The following WDR7 variants were observed in gnomAD, a reference collection of about 807,000 sequenced individuals.
WDR7 encodes the protein WD repeat-containing protein 7.
WDR7 carries 46 observed loss-of-function variants against 169.4 expected under a neutral mutation model. That is an observed-to-expected ratio of 0.27 (90% CI 0.21 to 0.35). The LOEUF is 0.35. Ranked by LOEUF, WDR7 falls within the 10% of genes least tolerant of loss-of-function variation. WDR7 has a pLI of 1.00. For missense variants in WDR7, 1,534 were observed against 1,859.3 expected (o/e 0.83, Z 3.22); for synonymous variants, 612 against 666.8 (o/e 0.92, Z 1.27).
At chr18:56,781,925 C>G in intron 19 of WDR7, 1 of 239,408 alleles carries the variant, frequency 4.2e-6, no homozygotes, top group Non-Finnish European at 7.9e-6. Context: ...ACATCCTACT[C>G]TAGTACTAAC....
At chr18:56,878,099 A>G (rs980228892) in intron 20 of WDR7, among the ~76,000 whole-genome samples, 3 of 152,228 alleles carry the variant, frequency 2.0e-5, no homozygotes, top group Admixed American at 1.3e-4. Context: ...GTCTTAAAAG[A>G]ATGTAGCAAG....
chr18:56,669,013 A>G (rs2025078538), intron 1 of WDR7, among the ~76,000 whole-genome samples: 1 of 152,056 alleles, frequency 6.6e-6, no homozygotes, highest in South Asian at 2.1e-4. Context: ...GAGGAGGAGA[A>G]TATTATTATC....
At chr18:56,732,579 A>G (rs2026611252) in intron 14 of WDR7, among the ~76,000 whole-genome samples, 1 of 152,188 alleles carries the variant, frequency 6.6e-6, no homozygotes, top group Non-Finnish European at 1.5e-5. Flanking sequence ...CACATCCTCC[A>G]GTAGTTCGCA....
At chr18:56,653,833 T>C (rs2024709304) in intron 1 of WDR7, among the ~76,000 whole-genome samples, 1 of 152,226 alleles carries the variant, frequency 6.6e-6, no homozygotes, top group Non-Finnish European at 1.5e-5. Flanking sequence ...CAGATAATAC[T>C]ATGATAAGCA....
chr18:57,026,553 G>C (rs1466830965), intron 27 of WDR7, among the ~76,000 whole-genome samples: 4 of 152,196 alleles, frequency 2.6e-5, no homozygotes, highest in Non-Finnish European at 5.9e-5. Context: ...TCTATCTACT[G>C]CTTAACTTTG....
At chr18:56,687,591 C>A (rs2025468580) in intron 7 of WDR7, among the ~76,000 whole-genome samples, 1 of 152,132 alleles carries the variant, frequency 6.6e-6, no homozygotes, top group South Asian at 2.1e-4. Flanking sequence ...TAGTTTAAAA[C>A]AACAAACATG....
Position 56,781,639 on chromosome 18 carries a change from T to C in WDR7, c.3173T>C (p.Ile1058Thr), listed in dbSNP as rs144646392. 16 of 1,607,938 alleles carry C rather than the reference T, an allele frequency of 1.0e-5. No individual in the cohort carries two copies. The Admixed American group carries it at 1.2e-4, about 12-fold the overall frequency. The change falls in exon 19 of 28, where the codon ATA becomes ACA. Residue 1058 changes from isoleucine to threonine, a missense_variant. Ile to Thr is a moderately conservative substitution (Grantham distance 89). Coordinates refer to ENST00000254442, the MANE Select transcript of WDR7 (RefSeq NM_015285.3). The stretch of plus-strand genomic sequence containing the variant: ...TGGGCTCCTTACTTACCTCAGTACA[T>C]AGACCACGTCATATCACGTAAGAGT... ...DAWAPYLPQYIDHVISPGVTS... is the reference protein window; with the variant it reads ...DAWAPYLPQYTDHVISPGVTS...
At chr18:56,945,729 A>G (rs1230559647) in intron 25 of WDR7, among the ~76,000 whole-genome samples, 1 of 152,142 alleles carries the variant, frequency 6.6e-6, no homozygotes, top group Non-Finnish European at 1.5e-5. Flanking sequence ...GACAGCCACT[A>G]CAGCTGACTT....
chr18:57,033,248 G>C (rs898011663), downstream of WDR7: 2 of 152,068 alleles, frequency 1.3e-5, no homozygotes, highest in African/African-American at 4.8e-5. Context: ...GTATTGTTAG[G>C]TTTCCCAGAG....
intron 20 of WDR7, among the ~76,000 whole-genome samples, chr18:56,817,757 T>G (rs562058079): frequency 6.6e-6 from 1 of 152,100 alleles, no homozygotes; most frequent in South Asian, 2.1e-4. Flanking sequence ...GATTTTTTTT[T>G]TTTTTTGAGA....
intron 25 of WDR7, among the ~76,000 whole-genome samples, chr18:56,947,000 G>A (rs559212824): frequency 6.6e-6 from 1 of 151,978 alleles, no homozygotes; most frequent in African/African-American, 2.4e-5. Context: ...TCACTTTCTG[G>A]GATATTAATA....
At chr18:56,935,056 T>C (rs1405780162) in intron 22 of WDR7, among the ~76,000 whole-genome samples, 1 of 152,084 alleles carries the variant, frequency 6.6e-6, no homozygotes, top group Admixed American at 6.6e-5. Context: ...ATAGCATCAC[T>C]CTCCTATCAT....
At chr18:56,838,678 A>G (rs956668615) in intron 20 of WDR7, among the ~76,000 whole-genome samples, 1 of 152,178 alleles carries the variant, frequency 6.6e-6, no homozygotes, top group Non-Finnish European at 1.5e-5. Flanking sequence ...TTTTAAGGTC[A>G]GTCATATAGA....
intron 1 of WDR7, among the ~76,000 whole-genome samples, chr18:56,658,578 A>G (rs2024830012): frequency 6.6e-6 from 1 of 152,206 alleles, no homozygotes; most frequent in South Asian, 2.1e-4. Context: ...TTCTGTTTTC[A>G]CATTCAAGTT....
At chr18:56,740,955 A>G (rs2043612369) in intron 14 of WDR7, among the ~76,000 whole-genome samples, 1 of 151,994 alleles carries the variant, frequency 6.6e-6, no homozygotes, top group Non-Finnish European at 1.5e-5. Flanking sequence ...TGCTTTCTGT[A>G]TTCCCAGTGA....
At chr18:56,888,334 AT>A (rs2046223924) in intron 21 of WDR7, among the ~76,000 whole-genome samples, 1 of 152,382 alleles carries the variant, frequency 6.6e-6, no homozygotes, top group Non-Finnish European at 1.5e-5. Flanking sequence ...AGAAGCCTAG[AT>A]TAGGCTAGTG....
Position 57,028,373 on chromosome 18 carries a change from TTTC to T in WDR7, c.*1172_*1174del, listed in dbSNP as rs746187453. ...TCTAAGTAAGCTTTAACTAGACCACTTTCTTCTTATGTCAGATTGTGCTGGTTC... is the reference window on the plus strand; with the variant it reads ...TCTAAGTAAGCTTTAACTAGACCACTTTCTTATGTCAGATTGTGCTGGTTC... On this transcript the variant is annotated 3_prime_UTR_variant, in exon 28 of 28. Coordinates refer to ENST00000254442, the MANE Select transcript of WDR7 (RefSeq NM_015285.3). 75 of 152,350 alleles carry T rather than the reference TTTC, an allele frequency of 4.9e-4. No individual in the cohort carries two copies. Among genetic ancestry groups the T allele is most frequent in the Non-Finnish European group, 8.2e-4 (56 of 68,028 alleles). The allele number at this position is 152,350 out of a possible 1,614,324, so 9.4% of individuals were successfully genotyped here. A position where few individuals can be genotyped will look rare whatever the true frequency, so the allele number is the denominator to read the frequency against.
rs373136606 is a variant in WDR7 at position 56,813,180 on chromosome 18, TAAAAA to T, written c.3191-2843_3191-2839del. Among the ~76,000 whole-genome samples, 1,224 of 133,436 alleles carry T rather than the reference TAAAAA, an allele frequency of 9.2e-3. 19 individuals are homozygous for T. The highest frequency in any genetic ancestry group is 0.028 in the African/African-American group (1,072 of 37,644). The allele number at this position is 133,436 out of a possible 152,430, so 87.5% of individuals were successfully genotyped here. On this transcript the variant is annotated intron_variant, in intron 19 of 27. Coordinates refer to ENST00000254442, the MANE Select transcript of WDR7 (RefSeq NM_015285.3). ...ATGTACCCTAAAACTTAGAGTATAA[TAAAAA>T]AAAAAAACATTAAAAAAAAAAAATT...
Position 56,988,590 on chromosome 18 carries a change from A to T in WDR7, c.4164+26061A>T, listed in dbSNP as rs900021350. On this transcript the variant is annotated intron_variant, in intron 26 of 27. Coordinates refer to ENST00000254442, the MANE Select transcript of WDR7 (RefSeq NM_015285.3). ...CAGAAGAAAGACCTCATGGAAGGCA[A>T]GTGTGTGTGTGTGTGTGTGTGTGTG... Among the ~76,000 whole-genome samples, 6 of 142,606 alleles carry T rather than the reference A, an allele frequency of 4.2e-5. No homozygotes were observed. The Admixed American group carries it at 4.2e-4, about 10-fold the overall frequency. The allele number at this position is 142,606 out of a possible 152,430, so 93.6% of individuals were successfully genotyped here.
Sources: allele counts gnomAD v4.1 joint callset (sites outside exome capture counted in the v4.1 genomes callset), GRCh38; gene constraint gnomAD v4.1.1; transcripts MANE v1.5; gene names NCBI Gene and HGNC (gene_info 2026-07-23, HGNC 2026-07-21).